The following ATXN7L1 variants were observed in gnomAD, a reference collection of about 807,000 sequenced individuals.
ATXN7L1 encodes ataxin 7 like 1, also known as ataxin-7-like protein 1.
ATXN7L1 carries 15 observed loss-of-function variants against 70.8 expected under a neutral mutation model. That is an observed-to-expected ratio of 0.21 (90% confidence interval 0.14 to 0.33). The LOEUF (loss-of-function observed/expected upper bound fraction) is 0.33, where lower values mean the gene tolerates loss of function less well. ATXN7L1 is among the 10% of genes least tolerant of loss of function. The pLI is 1.00. For missense variants in ATXN7L1, 975 were observed against 1,097.1 expected (o/e 0.89, Z 1.57); for synonymous variants, 440 against 445.1 (o/e 0.99, Z 0.14).
chr7:105,657,436 G>A (rs1800834178), intron 4 of ATXN7L1, among the ~76,000 whole-genome samples: 1 of 152,028 alleles, frequency 6.6e-6, no homozygotes, highest in African/African-American at 2.4e-5. Context: ...GTGGGGGCCA[G>A]GCACTGTGGC....
chr7:105,819,313 T>C (rs1809706551), intron 2 of ATXN7L1, among the ~76,000 whole-genome samples: 1 of 152,056 alleles, frequency 6.6e-6, no homozygotes, highest in African/African-American at 2.4e-5. Context: ...TCATACGAGT[T>C]TGTACATTTG....
Position 105,619,526 on chromosome 7 carries a change from ATATATTTTTTTTTTTTTTTTTTTTTTTTT to A in ATXN7L1, c.1517+645_1517+673del, listed in dbSNP as rs1318433502. On this transcript the variant is annotated intron_variant, in intron 9 of 11. Coordinates refer to ENST00000419735, the MANE Select transcript of ATXN7L1 (RefSeq NM_020725.2). ...TATATATATATATATATATATATAT[ATATATTTTTTTTTTTTTTTTTTTTTTTTT>A]TTTTTTTTTTTTAAGAGAGAGGGTC... 3.0e-3 allele frequency among the ~76,000 whole-genome samples: 49 copies of A among 16,452 alleles called. 1 individual carries two copies. Among genetic ancestry groups the A allele is most frequent in the Non-Finnish European group, 3.8e-3 (37 of 9,738 alleles). 10.8% of individuals were successfully genotyped at this position (16,452 alleles called of 152,430 possible).
chr7:105,753,487 T>C (rs543927547), intron 3 of ATXN7L1, among the ~76,000 whole-genome samples: 11 of 152,254 alleles, frequency 7.2e-5, no homozygotes, highest in Non-Finnish European at 1.6e-4. Context: ...GATTTTTATT[T>C]AGATATTTTG....
rs1792755789 is a variant in ATXN7L1, at chr7:105,606,125, C to T, written c.*1727G>A. The T allele has an allele frequency of 6.6e-6, 1 of 151,816 alleles. No homozygotes were observed. Among genetic ancestry groups the T allele is most frequent in the African/African-American group, 2.4e-5 (1 of 41,292 alleles). 9.4% of individuals were successfully genotyped at this position (151,816 alleles called of 1,614,324 possible). A position where few individuals can be genotyped will look rare whatever the true frequency, so the allele number is the denominator to read the frequency against. On this transcript the variant is annotated 3_prime_UTR_variant, in exon 12 of 12. Transcript: ENST00000419735. Reference sequence around the variant, plus strand: ...TCTCTTTTCCCAAGACGTAAATAAACCAGCATATAAGTGCACTTTTAACAC... The same window carrying T: ...TCTCTTTTCCCAAGACGTAAATAAATCAGCATATAAGTGCACTTTTAACAC...
At chr7:105,758,590 C>T (rs115159752) in intron 3 of ATXN7L1, among the ~76,000 whole-genome samples, 1,642 of 152,330 alleles carry the variant, frequency 0.011, 29 homozygotes, top group African/African-American at 0.037. Flanking sequence ...GGCTCTGTGG[C>T]CCCCTGCCAT....
At chr7:105,677,741 C>T (rs2116141275) in intron 3 of ATXN7L1, among the ~76,000 whole-genome samples, 1 of 152,312 alleles carries the variant, frequency 6.6e-6, no homozygotes, top group Admixed American at 6.5e-5. Context: ...CTTATCCCTG[C>T]CCCTGAATTA....
chr7:105,644,783 CA>C, intron 4 of ATXN7L1, among the ~76,000 whole-genome samples: 1 of 152,286 alleles, frequency 6.6e-6, no homozygotes, highest in African/African-American at 2.4e-5. Context: ...TAAAAAGCCA[CA>C]AGTTAAGAAA....
At chr7:105,642,410 G>A (rs1049547247) in intron 5 of ATXN7L1, among the ~76,000 whole-genome samples, 5 of 152,352 alleles carry the variant, frequency 3.3e-5, no homozygotes, top group South Asian at 2.1e-4. Flanking sequence ...AGCTGTTGGC[G>A]GGGCTGTCCC....
At chr7:105,660,576 C>CTTT (rs34008024) in intron 4 of ATXN7L1, among the ~76,000 whole-genome samples, 1,895 of 78,148 alleles carry the variant, frequency 0.024, 26 homozygotes, top group African/African-American at 0.029. Flanking sequence ...CGGAAGTGAC[C>CTTT]TTTTTTTTTT....
chr7:105,757,788 T>C (rs559186922), intron 3 of ATXN7L1, among the ~76,000 whole-genome samples: 49 of 151,134 alleles, frequency 3.2e-4, no homozygotes, highest in Non-Finnish European at 5.7e-4. Flanking sequence ...TAGGGTCTCA[T>C]TATATTGCCC....
chr7:105,702,519 A>G (rs1792573738), intron 3 of ATXN7L1, among the ~76,000 whole-genome samples: 1 of 149,896 alleles, frequency 6.7e-6, no homozygotes, highest in Non-Finnish European at 1.5e-5. Context: ...GATATAACCC[A>G]GCCCCTTACA....
In ATXN7L1 at chr7:105,849,684, G is replaced by A. The variant is rs1326797145; in HGVS notation, c.250+26128C>T. ...AGTGAACACAAATGATTCACCAGGG[G>A]CCCTGAGGTCACTGGGGCTCCCTGA... On this transcript the variant is annotated intron_variant, in intron 2 of 11. Coordinates refer to ENST00000419735, the MANE Select transcript of ATXN7L1 (RefSeq NM_020725.2). Among the ~76,000 whole-genome samples, 3 of 152,318 alleles carry A rather than the reference G, an allele frequency of 2.0e-5. No homozygotes were observed. The East Asian group carries it at 5.8e-4, about 29-fold the overall frequency.
intron 4 of ATXN7L1, among the ~76,000 whole-genome samples, chr7:105,660,575 C>A (rs531047831): frequency 8.7e-6 from 1 of 114,898 alleles, no homozygotes; most frequent in South Asian, 2.6e-4. Flanking sequence ...GCGGAAGTGA[C>A]CTTTTTTTTT....
At chr7:105,806,605 G>T (rs1238008614) in intron 2 of ATXN7L1, among the ~76,000 whole-genome samples, 1 of 152,150 alleles carries the variant, frequency 6.6e-6, no homozygotes, top group Non-Finnish European at 1.5e-5. Flanking sequence ...AGCTGGGGTT[G>T]TGCACAGTCT....
chr7:105,774,629 A>G (rs978987981), intron 3 of ATXN7L1, among the ~76,000 whole-genome samples: 3 of 152,108 alleles, frequency 2.0e-5, no homozygotes, highest in Non-Finnish European at 4.4e-5. Context: ...CTAAGATTAC[A>G]GTGTGAACCA....
intron 11 of ATXN7L1, 56 bp from the exon 12 acceptor site, chr7:105,607,946 T>C: frequency 6.8e-7 from 1 of 1,472,440 alleles, no homozygotes; most frequent in Non-Finnish European, 9.3e-7. Context: ...AGATTACCCA[T>C]GAGAATTCAA....
intron 8 of ATXN7L1, among the ~76,000 whole-genome samples, chr7:105,622,328 C>G (rs778051615): frequency 2.6e-5 from 4 of 152,188 alleles, no homozygotes; most frequent in Non-Finnish European, 5.9e-5. Flanking sequence ...TCTGGCAGAG[C>G]CTCATATTTC....
rs1176152841 is a variant in ATXN7L1 at position 105,606,505 on chromosome 7, T to A, written c.*1347A>T. 1 of 152,252 alleles carries A rather than the reference T, an allele frequency of 6.6e-6. No individual in the cohort carries two copies. Among genetic ancestry groups the A allele is most frequent in the Non-Finnish European group, 1.5e-5 (1 of 68,040 alleles). 9.4% of individuals were successfully genotyped at this position (152,252 alleles called of 1,614,324 possible). ...GCTATACATCATATACAAAGTTACA[T>A]GATTAATAGCACAGAACACCTATTT... On this transcript the variant is annotated 3_prime_UTR_variant, in exon 12 of 12. Coordinates refer to ENST00000419735, the MANE Select transcript of ATXN7L1 (RefSeq NM_020725.2).
At chr7:105,688,313 G>A (rs905976424) in intron 3 of ATXN7L1, among the ~76,000 whole-genome samples, 2 of 152,174 alleles carry the variant, frequency 1.3e-5, no homozygotes, top group Admixed American at 6.5e-5. Context: ...AGGCTGAGGC[G>A]GGTGGATGGC....
Sources: allele counts gnomAD v4.1 joint callset (sites outside exome capture counted in the v4.1 genomes callset), GRCh38; gene constraint gnomAD v4.1.1; transcripts MANE v1.5; gene names NCBI Gene and HGNC (gene_info 2026-07-23, HGNC 2026-07-21).